The following NINJ2 variants were observed in gnomAD, a reference collection of about 807,000 sequenced individuals.
NINJ2 encodes the protein ninjurin-2.
In NINJ2, 12 loss-of-function variants were observed where a neutral mutation model predicts 11.7. The observed-to-expected ratio is 1.02, with a 90% CI of 0.66 to 1.66. The LOEUF (loss-of-function observed/expected upper bound fraction) is 1.66. Ranked by LOEUF, NINJ2 falls within the 40% of genes most tolerant of loss-of-function variation. NINJ2 has a pLI of 0.00. For synonymous variants in NINJ2, 93 were observed against 76.8 expected, an observed-to-expected ratio of 1.21 and a Z score of -1.10; for missense variants, 187 against 181.8, an observed-to-expected ratio of 1.03 and a Z score of -0.16.
At position 663,367 on chromosome 12, in the gene NINJ2, G is replaced by T. The variant is rs767446274; in HGVS notation, c.-7C>A. The T allele has an allele frequency of 1.2e-6, 2 of 1,614,156 alleles. No individual in the cohort carries two copies. The highest frequency in any genetic ancestry group is 1.7e-6 in the Non-Finnish European group (2 of 1,180,026). ...TTTCTCTTGCTGATTCCATCTCGCT[G>T]CCCTCAAGTCCCTTCACACGCACCG... On this transcript the variant is annotated 5_prime_UTR_variant, in exon 1 of 4. Coordinates refer to ENST00000305108, the MANE Select transcript of NINJ2 (RefSeq NM_016533.6).
At chr12:597,995 G>C (rs1158667474) in intron 1 of NINJ2, among the ~76,000 whole-genome samples, 3 of 152,212 alleles carry the variant, frequency 2.0e-5, no homozygotes, top group African/African-American at 7.2e-5. Context: ...GTAGCTCTGG[G>C]CTAATTTATG....
Position 566,020 on chromosome 12 carries a change from G to A in NINJ2, c.192C>T (p.Thr64=). Residue 64 remains threonine, a synonymous_variant, in exon 2 of 4, where the codon ACC becomes ACT. Coordinates refer to ENST00000305108, the MANE Select transcript of NINJ2 (RefSeq NM_016533.6). The part of the protein sequence containing the change: ...LEQGPSSHYY[T]TLVTLISLSL... Reference sequence around the variant, plus strand: ...AGAGGCTGATGAGGGTGACCAGGGTGGTGTAGTAGTGAGAGGATGGTCCCT... The same window carrying A: ...AGAGGCTGATGAGGGTGACCAGGGTAGTGTAGTAGTGAGAGGATGGTCCCT... The A allele has an allele frequency of 2.5e-6, 4 of 1,614,202 alleles. No individual in the cohort carries two copies. Among genetic ancestry groups the A allele is most frequent in the Non-Finnish European group, 3.4e-6 (4 of 1,180,030 alleles).
intron 2 of NINJ2, chr12:565,655 A>T: frequency 3.3e-6 from 2 of 611,710 alleles, no homozygotes; most frequent in Admixed American, 5.7e-5. Context: ...ACGAGTGCTC[A>T]TGGAGAAGCG....
intron 1 of NINJ2, among the ~76,000 whole-genome samples, chr12:592,507 C>T (rs1947730202): frequency 6.6e-6 from 1 of 152,168 alleles, no homozygotes; most frequent in African/African-American, 2.4e-5. Flanking sequence ...TCAAGACCAG[C>T]CTGGCCAACG....
At chr12:647,390 G>A (rs1298858153) in intron 1 of NINJ2, among the ~76,000 whole-genome samples, 1 of 152,182 alleles carries the variant, frequency 6.6e-6, no homozygotes, top group Non-Finnish European at 1.5e-5. Flanking sequence ...AATCCCACAA[G>A]TATGTGGCAT....
At position 648,313 on chromosome 12, in the gene NINJ2, G is replaced by A. The variant is rs138344690; in HGVS notation, c.33+15015C>T. 1.3e-3 allele frequency among the ~76,000 whole-genome samples: 195 copies of A among 152,296 alleles called. 1 individual carries two copies. The highest frequency in any genetic ancestry group is 4.5e-3 in the African/African-American group (188 of 41,576). ...AGCTGGTCACAAACTCCTGACCTCA[G>A]ATGATCCGCCTGCCTTGGCCTCCCA... On this transcript the variant is annotated intron_variant, in intron 1 of 3. Transcript: ENST00000305108.
intron 1 of NINJ2, among the ~76,000 whole-genome samples, chr12:601,623 G>C (rs1242490250): frequency 6.6e-6 from 1 of 152,210 alleles, no homozygotes; most frequent in Non-Finnish European, 1.5e-5. Context: ...CAGCACTTTG[G>C]GAGGCCAAGG....
intron 1 of NINJ2, among the ~76,000 whole-genome samples, chr12:604,616 C>T (rs867451670): frequency 7.9e-5 from 12 of 151,912 alleles, no homozygotes; most frequent in African/African-American, 2.4e-4. Flanking sequence ...CCAGCCTGGG[C>T]GACAGAGCGA....
chr12:622,190 G>A (rs1235896632), intron 1 of NINJ2, among the ~76,000 whole-genome samples: 1 of 150,988 alleles, frequency 6.6e-6, no homozygotes, highest in East Asian at 1.9e-4. Flanking sequence ...GGGAGGCCGA[G>A]GCGGGCGGAT....
intron 1 of NINJ2, among the ~76,000 whole-genome samples, chr12:637,348 C>CA (rs1398766735): frequency 4.2e-5 from 6 of 142,506 alleles, no homozygotes; most frequent in African/African-American, 1.6e-4. Context: ...GACTTCATCT[C>CA]AAAAAAAAGA....
chr12:639,333 C>G (rs1271590989), intron 1 of NINJ2, among the ~76,000 whole-genome samples: 1 of 152,154 alleles, frequency 6.6e-6, no homozygotes, highest in African/African-American at 2.4e-5. Flanking sequence ...TTAACCCTCA[C>G]AATAGTCTTA....
chr12:578,943 T>A (rs907252860), intron 1 of NINJ2, among the ~76,000 whole-genome samples: 19 of 152,354 alleles, frequency 1.2e-4, no homozygotes, highest in African/African-American at 3.4e-4. Context: ...TCAGAAGCAC[T>A]GAGAGCCTCT....
At chr12:610,688 C>T in intron 1 of NINJ2, 2 of 882,846 alleles carry the variant, frequency 2.3e-6, no homozygotes, top group Non-Finnish European at 2.7e-6. Flanking sequence ...TTTAGCAGAA[C>T]TGGGCTATGA....
chr12:601,629 C>G (rs1430485356), intron 1 of NINJ2, among the ~76,000 whole-genome samples: 1 of 152,012 alleles, frequency 6.6e-6, no homozygotes, highest in Admixed American at 6.5e-5. Flanking sequence ...TTTGGGAGGC[C>G]AAGGCAGGTG....
intron 1 of NINJ2, among the ~76,000 whole-genome samples, chr12:651,873 A>G (rs1246077470): frequency 6.6e-6 from 1 of 152,256 alleles, no homozygotes; most frequent in Non-Finnish European, 1.5e-5. Context: ...GCTTACGCAT[A>G]TCTCATAGAA....
At chr12:647,431 C>G (rs1415563819) in intron 1 of NINJ2, among the ~76,000 whole-genome samples, 1 of 128,092 alleles carries the variant, frequency 7.8e-6, no homozygotes, top group Non-Finnish European at 1.8e-5. Flanking sequence ...TGTGGTGGTG[C>G]CCTGCACTGA....
At chr12:596,420 C>T (rs1324377362) in intron 1 of NINJ2, among the ~76,000 whole-genome samples, 2 of 152,082 alleles carry the variant, frequency 1.3e-5, no homozygotes, top group Non-Finnish European at 2.9e-5. Context: ...CAAATGGACC[C>T]CTCTGCTGGG....
chr12:586,973 C>A (rs1021683740), intron 1 of NINJ2, among the ~76,000 whole-genome samples: 16 of 152,204 alleles, frequency 1.1e-4, no homozygotes, highest in Admixed American at 5.2e-4. Flanking sequence ...AGGCCTTTAA[C>A]CCTTAGTGTG....
rs1365422648 is a variant in NINJ2 at position 581,762 on chromosome 12, G to A, written c.34-15584C>T. Among the ~76,000 whole-genome samples, 4 of 152,202 alleles carry A rather than the reference G, an allele frequency of 2.6e-5. No homozygotes were observed. The East Asian group carries it at 5.8e-4, about 22-fold the overall frequency. On this transcript the variant is annotated intron_variant, in intron 1 of 3. Transcript: ENST00000305108. This position sits in a 1 kb window ranked among gnomAD's most constrained non-coding sequence, Gnocchi z 4.9. Reference sequence around the variant, plus strand: ...CCAGCTCACTCGTCTGTAGAAAGAGGAGACACCCCTTCCTCCTCGTGGTGA... The same window carrying A: ...CCAGCTCACTCGTCTGTAGAAAGAGAAGACACCCCTTCCTCCTCGTGGTGA...
Sources: gnomAD v4.1 joint callset for allele counts (sites outside exome capture counted in the v4.1 genomes callset) on GRCh38, gnomAD v4.1.1 for gene constraint, Gnocchi (gnomAD v3.1) non-coding constraint, MANE v1.5 for transcripts, NCBI Gene and HGNC (gene_info 2026-07-23, HGNC 2026-07-21) for gene names.